The following TRIOBP variants were observed in gnomAD, a reference collection of about 807,000 sequenced individuals.
The protein encoded by TRIOBP is TRIO and F-actin-binding protein.
TRIOBP carries 169 observed loss-of-function variants against 238.8 expected under a neutral mutation model. The observed-to-expected ratio is 0.71, with a 90% CI of 0.62 to 0.80. The LOEUF (loss-of-function observed/expected upper bound fraction) is 0.80. Among genes scored for constraint, TRIOBP ranks in the 30% least tolerant of loss-of-function variants. The probability of loss-of-function intolerance (pLI) is 0.00; values close to 1 mark genes in which losing one functional copy is unlikely to be tolerated. For synonymous variants in TRIOBP, 1,150 were observed against 1,274.4 expected (o/e 0.90, Z 2.08); for missense variants, 2,838 against 3,122.6 (o/e 0.91, Z 2.17).
At chr22:37,720,950 CG>C (rs1923793284) in intron 6 of TRIOBP, among the ~76,000 whole-genome samples, 1 of 151,888 alleles carries the variant, frequency 6.6e-6, no homozygotes, top group Non-Finnish European at 1.5e-5. Context: ...CTCCACCTCC[CG>C]GGTTCAAGCA....
Position 37,724,769 on chromosome 22 carries a change from C to CTG in TRIOBP, c.2213_2214insTG (p.Ile739AlafsTer141). ...CCCAGAGCCTCCTCTCGCAACAGAA[C>CTG]CATCCAGCGAGACAACCCCAGAACA... is the stretch of plus-strand genomic sequence containing the variant. On this transcript the variant is annotated frameshift_variant, in exon 7 of 24. Transcript: ENST00000644935. LOFTEE classifies it high-confidence loss of function. 6.2e-7 allele frequency: 1 copy of CTG among 1,607,780 alleles called. No individual in the cohort carries two copies. The highest frequency in any genetic ancestry group is 8.5e-7 in the Non-Finnish European group (1 of 1,176,934).
rs1470236828 is a variant in TRIOBP, at chr22:37,727,342, A to G, written c.3947+839A>G. 3.3e-5 allele frequency among the ~76,000 whole-genome samples: 5 copies of G among 151,082 alleles called. No homozygotes were observed. In the South Asian group the frequency reaches 6.3e-4, roughly 19 times the overall value. On this transcript the variant is annotated intron_variant, in intron 7 of 23. Coordinates refer to ENST00000644935, the MANE Select transcript of TRIOBP (RefSeq NM_001039141.3). ...TGGCAAAGAAAACTCATGGGTCCCTATGCATTTCAGAAAACAGTTATGTCA... is the reference window on the plus strand; with the variant it reads ...TGGCAAAGAAAACTCATGGGTCCCTGTGCATTTCAGAAAACAGTTATGTCA...
chr22:37,715,792 G>A lies in TRIOBP; in HGVS notation c.486G>A (p.Glu162=). 1.9e-6 allele frequency: 3 copies of A among 1,614,122 alleles called. No individual in the cohort carries two copies. Among genetic ancestry groups the A allele is most frequent in the Non-Finnish European group, 2.5e-6 (3 of 1,180,020 alleles). The change falls in exon 6 of 24, where the codon GAG becomes GAA. Residue 162 remains glutamate (E), a synonymous_variant. Coordinates refer to ENST00000644935, the MANE Select transcript of TRIOBP (RefSeq NM_001039141.3). The part of the protein sequence containing the change: ...VDWDTVERQE[E]EAPSWDELAV... ...GGGACACTGTTGAGAGGCAGGAGGA[G>A]GAGGCCCCCAGCTGGGACGAGCTCG... is the stretch of plus-strand genomic sequence containing the variant.
At position 37,724,757 on chromosome 22, in the gene TRIOBP, C is replaced by T. The variant is rs199794705; in HGVS notation, c.2201C>T (p.Ser734Phe). Reference sequence around the variant, plus strand: ...CGACGGGACAATCCCAGAGCCTCCTCTCGCAACAGAACCATCCAGCGAGAC... The same window carrying T: ...CGACGGGACAATCCCAGAGCCTCCTTTCGCAACAGAACCATCCAGCGAGAC... The part of the protein sequence containing the change: ...CARRDNPRAS[S>F]RNRTIQRDNP... The change falls in exon 7 of 24, where the codon TCT (serine) becomes TTT (phenylalanine). Residue 734 changes from serine to phenylalanine, a missense_variant. Ser to Phe is a radical substitution (Grantham distance 155, BLOSUM62 -2). Coordinates refer to ENST00000644935, the MANE Select transcript of TRIOBP (RefSeq NM_001039141.3). 6.6e-4 allele frequency: 1,062 copies of T among 1,612,540 alleles called. 7 individuals are homozygous for T. The Middle Eastern group carries it at 0.016, about 24-fold the overall frequency.
chr22:37,733,383 A>G lies in TRIOBP; in HGVS notation c.4033A>G (p.Arg1345Gly). ...PSQGQSQLLR[R>G]QSSPAPSRQV... ...CCAAGGCCAGAGCCAACTTCTCCGA[A>G]GACAGTCCAGCCCTGCCCCCAGCAG... The change falls in exon 8 of 24, where the codon AGA becomes GGA. Residue 1345 changes from arginine to glycine, a missense_variant. By Grantham distance (125) the Arg-to-Gly change is moderately radical. Coordinates refer to ENST00000644935, the MANE Select transcript of TRIOBP (RefSeq NM_001039141.3). The G allele has an allele frequency of 6.4e-7, 1 of 1,551,110 alleles. No individual in the cohort carries two copies. Among genetic ancestry groups the G allele is most frequent in the Non-Finnish European group, 8.7e-7 (1 of 1,147,216 alleles).
chr22:37,734,562 C>T lies in TRIOBP; in HGVS notation c.4226C>T (p.Thr1409Ile), dbSNP rs1210039857. 2 of 1,588,786 alleles carry T rather than the reference C, an allele frequency of 1.3e-6. No individual in the cohort carries two copies. Among genetic ancestry groups the T allele is most frequent in the Middle Eastern group, 1.7e-4 (1 of 6,030 alleles). ...SARTPERELR[T>I]QRPLESGQAG... is the part of the protein sequence containing the mutation. ...AGGACCCCTGAGAGGGAGCTGCGGACACAGAGACCTCTGGAGAGTGGCCAA... is the reference window on the plus strand; with the variant it reads ...AGGACCCCTGAGAGGGAGCTGCGGATACAGAGACCTCTGGAGAGTGGCCAA... The change falls in exon 9 of 24, where the codon ACA (threonine) becomes ATA (isoleucine). Residue 1409 changes from threonine (T) to isoleucine (I), a missense_variant. This residue lies in a region of TRIOBP where 2,096 missense variants were observed against 2,137.4 expected (regional missense o/e 0.98). Transcript: ENST00000644935.
intron 6 of TRIOBP, among the ~76,000 whole-genome samples, chr22:37,719,836 C>T (rs1386371487): frequency 2.0e-5 from 3 of 151,930 alleles, no homozygotes; most frequent in Non-Finnish European, 4.4e-5. Context: ...CACTTAGCTG[C>T]TTGGCTTTCG....
intron 21 of TRIOBP, among the ~76,000 whole-genome samples, chr22:37,770,808 G>A (rs1184240475): frequency 2.0e-5 from 3 of 151,428 alleles, no homozygotes; most frequent in South Asian, 2.1e-4. Flanking sequence ...TCAGCCTCCC[G>A]AGTAGCTGGG....
At chr22:37,752,668 C>T (rs780024158) in intron 12 of TRIOBP, among the ~76,000 whole-genome samples, 32 of 152,218 alleles carry the variant, frequency 2.1e-4, no homozygotes, top group Admixed American at 3.3e-4. Flanking sequence ...GCTGCCTGCC[C>T]GCTGTCCCTG....
Position 37,757,629 on chromosome 22 carries a change from A to G in TRIOBP, c.5704A>G (p.Lys1902Glu), listed in dbSNP as rs1295304821. Reference protein sequence around the residue: ...PDVTKLSDSNKENALHSYSTQ... With the variant: ...PDVTKLSDSNEENALHSYSTQ... ...GTGCCCTAGGCTCTCGGACTCTAAC[A>G]AGGAGAACGCGCTGCACAGCTACAG... is the stretch of plus-strand genomic sequence containing the variant. Residue 1902 changes from lysine (K) to glutamate (E), a missense_variant, in exon 16 of 24, where the codon AAG becomes GAG. Around this residue, in one of 5 missense-constraint regions of TRIOBP, gnomAD observed 2,096 missense variants for 2,137.4 expected, o/e 0.98. Coordinates refer to ENST00000644935, the MANE Select transcript of TRIOBP (RefSeq NM_001039141.3). 6.3e-7 allele frequency: 1 copy of G among 1,587,918 alleles called. No homozygotes were observed. The highest frequency in any genetic ancestry group is 8.6e-7 in the Non-Finnish European group (1 of 1,169,354).
chr22:37,715,716 G>T, intron 5 of TRIOBP, 47 bp from the exon 6 acceptor site: 1 of 1,598,588 alleles, frequency 6.3e-7, no homozygotes. Flanking sequence ...ATGTCCTGCA[G>T]CCTTTTTTCT....
chr22:37,723,189 C>G lies in TRIOBP; in HGVS notation c.633C>G (p.Thr211=). 1.2e-6 allele frequency: 2 copies of G among 1,613,770 alleles called. No homozygotes were observed. Among genetic ancestry groups the G allele is most frequent in the Non-Finnish European group, 1.7e-6 (2 of 1,179,800 alleles). The change falls in exon 7 of 24, where the codon ACC becomes ACG. Residue 211 remains threonine, a synonymous_variant. Coordinates refer to ENST00000644935, the MANE Select transcript of TRIOBP (RefSeq NM_001039141.3). ...GDAAGQKKED[T]GGGGRSAGQH... The stretch of plus-strand genomic sequence containing the variant: ...GCCCCTCTCTTCTCTCTCCAGACAC[C>G]GGCGGTGGGGGCCGGAGCGCAGGAC...
At chr22:37,758,950 C>A (rs962231479) in intron 16 of TRIOBP, among the ~76,000 whole-genome samples, 8 of 152,182 alleles carry the variant, frequency 5.3e-5, no homozygotes, top group Admixed American at 6.5e-5. Flanking sequence ...ATTGACCTGG[C>A]CATCCAGGAA....
At chr22:37,746,754 G>A (rs944862400) in intron 11 of TRIOBP, among the ~76,000 whole-genome samples, 1 of 152,200 alleles carries the variant, frequency 6.6e-6, no homozygotes, top group Non-Finnish European at 1.5e-5. Flanking sequence ...CTCCCCTCCA[G>A]CCCCCTAGAC....
At position 37,733,332 on chromosome 22, in the gene TRIOBP, G is replaced by A. The variant is rs1281047834; in HGVS notation, c.3982G>A (p.Asp1328Asn). Residue 1328 changes from aspartate (D) to asparagine (N), a missense_variant, in exon 8 of 24, where the codon GAC (aspartate) becomes AAC (asparagine). By Grantham distance (23) the Asp-to-Asn change is conservative. Transcript: ENST00000644935. ...SEAAGAFQAQ[D>N]EGRSQQPSQG... is the part of the protein sequence containing the mutation. ...GGCAGCGGGGGCCTTCCAGGCCCAG[G>A]ACGAGGGACGGTCACAGCAGCCCAG... is the stretch of plus-strand genomic sequence containing the variant. 4.5e-6 allele frequency: 7 copies of A among 1,551,332 alleles called. No homozygotes were observed. In the South Asian group the frequency reaches 8.3e-5, roughly 18 times the overall value.
In TRIOBP at chr22:37,724,714, C is replaced by A. The variant is rs1426645602; in HGVS notation, c.2158C>A (p.Pro720Thr). The A allele has an allele frequency of 1.5e-5, 24 of 1,612,168 alleles. No homozygotes were observed. Among genetic ancestry groups the A allele is most frequent in the Non-Finnish European group, 2.0e-5 (24 of 1,179,158 alleles). ...SPNRTTQQEN[P>T]RTSCARRDNP... ...TAACAGAACCACCCAACAAGAGAACCCCAGAACATCCTGTGCCCGACGGGA... is the reference window on the plus strand; with the variant it reads ...TAACAGAACCACCCAACAAGAGAACACCAGAACATCCTGTGCCCGACGGGA... The change falls in exon 7 of 24, where the codon CCC becomes ACC. Residue 720 changes from proline (P) to threonine (T), a missense_variant. By Grantham distance (38) the Pro-to-Thr change is conservative. Around this residue, in one of 5 missense-constraint regions of TRIOBP, gnomAD observed 167 missense variants for 200.2 expected, o/e 0.83. Coordinates refer to ENST00000644935, the MANE Select transcript of TRIOBP (RefSeq NM_001039141.3).
In TRIOBP at chr22:37,727,272, G is replaced by A. The variant is rs576590263; in HGVS notation, c.3947+769G>A. On this transcript the variant is annotated intron_variant, in intron 7 of 23. Coordinates refer to ENST00000644935, the MANE Select transcript of TRIOBP (RefSeq NM_001039141.3). ...CATGGGTTTTTTTTTTTTTTCTTCCGTGCATGAGGGAGAAGAAGAAAGTAC... is the reference window on the plus strand; with the variant it reads ...CATGGGTTTTTTTTTTTTTTCTTCCATGCATGAGGGAGAAGAAGAAAGTAC... Among the ~76,000 whole-genome samples, 213 of 143,610 alleles carry A rather than the reference G, an allele frequency of 1.5e-3. 1 individual carries two copies. The highest frequency in any genetic ancestry group is 4.8e-3 in the African/African-American group (186 of 39,150). 94.2% of individuals were successfully genotyped at this position (143,610 alleles called of 152,430 possible).
At chr22:37,772,024 GC>G (rs1771246103) in intron 22 of TRIOBP, 1 of 468,930 alleles carries the variant, frequency 2.1e-6, no homozygotes, top group African/African-American at 2.0e-5. Context: ...TGTGCTAGGT[GC>G]TGGGAAGACA....
intron 12 of TRIOBP, among the ~76,000 whole-genome samples, chr22:37,754,624 G>T (rs889847890): frequency 6.6e-6 from 1 of 152,084 alleles, no homozygotes; most frequent in African/African-American, 2.4e-5. Context: ...CACTGGGTCC[G>T]GGGTGCCTGA....
Sources: gnomAD v4.1 joint callset for allele counts (sites outside exome capture counted in the v4.1 genomes callset) on GRCh38, gnomAD v4.1.1 for gene constraint, gnomAD v4.1.1 regional missense constraint, MANE v1.5 for transcripts, NCBI Gene and HGNC (gene_info 2026-07-23, HGNC 2026-07-21) for gene names.